The following CCDC32 variants were observed in gnomAD, a reference collection of about 807,000 sequenced individuals.
The protein encoded by CCDC32 is coiled-coil domain-containing protein 32.
A neutral mutation model predicts 20.1 loss-of-function variants in CCDC32; 9 were observed. That is an observed-to-expected ratio of 0.45 (90% CI 0.27 to 0.78). CCDC32 has a LOEUF of 0.78. CCDC32 is among the 30% of genes least tolerant of loss of function. The pLI is 0.16. For synonymous variants in CCDC32, 63 were observed against 79.0 expected, an observed-to-expected ratio of 0.80 and a Z score of 1.07; for missense variants, 204 against 215.5, an observed-to-expected ratio of 0.95 and a Z score of 0.33.
downstream of CCDC32, chr15:40,538,011 A>C (rs1325550455): frequency 6.6e-6 from 1 of 152,214 alleles, no homozygotes; most frequent in African/African-American, 2.4e-5. Flanking sequence ...ATCAGCACTC[A>C]TTTCAAATAG....
intron 3 of CCDC32, among the ~76,000 whole-genome samples, chr15:40,547,409 G>A (rs1371477172): frequency 2.0e-5 from 3 of 152,190 alleles, no homozygotes; most frequent in Admixed American, 2.0e-4. Flanking sequence ...AGCTTCAGCA[G>A]TGGGACTTTC....
chr15:40,528,026 T>C (rs74011174), downstream of CCDC32, among the ~76,000 whole-genome samples: 5,180 of 152,278 alleles, frequency 0.034, 303 homozygotes, highest in African/African-American at 0.12. Context: ...TTTTGTCAAT[T>C]TGATAGATAA....
Position 40,562,874 on chromosome 15 carries a change from G to C in CCDC32, c.142C>G (p.Pro48Ala). ...AFSDSFVDSC[P>A]EGEGQREVAD... ...ACCTCCCTCTGGCCTTCACCTTCAG[G>C]GCAAGAATCCACAAAGGAGTCTGAG... Residue 48 changes from proline to alanine, a missense_variant, in exon 2 of 4, where the codon CCT (proline) becomes GCT (alanine). Transcript: ENST00000416810. The C allele has an allele frequency of 1.9e-6, 3 of 1,614,142 alleles. No homozygotes were observed. The highest frequency in any genetic ancestry group is 2.5e-6 in the Non-Finnish European group (3 of 1,180,046).
At chr15:40,557,051 C>T in intron 3 of CCDC32, 165 bp downstream of exon 3, 1 of 668,618 alleles carries the variant, frequency 1.5e-6, no homozygotes, top group Non-Finnish European at 2.4e-6. Flanking sequence ...AAAATGAACA[C>T]AATGCTTTAT....
At chr15:40,539,185 A>C (rs552644843), downstream of CCDC32, 43 of 1,448,434 alleles carry the variant, frequency 3.0e-5, no homozygotes, top group Non-Finnish European at 3.9e-5. Flanking sequence ...CACCACAGAA[A>C]GGTCAATCCC....
downstream of CCDC32, among the ~76,000 whole-genome samples, chr15:40,552,472 A>G (rs1346532750): frequency 1.8e-5 from 2 of 109,934 alleles, no homozygotes; most frequent in African/African-American, 6.5e-5. Flanking sequence ...CAAGGGCAAA[A>G]CTCCATCTCA....
At chr15:40,534,580 T>A (rs1889028453), downstream of CCDC32, 1 of 252,228 alleles carries the variant, frequency 4.0e-6, no homozygotes. Context: ...TACCTCCCGC[T>A]GGGTCCTTCC....
chr15:40,533,454 A>G (rs1365352726), downstream of CCDC32, among the ~76,000 whole-genome samples: 5 of 152,088 alleles, frequency 3.3e-5, no homozygotes, highest in Admixed American at 3.3e-4. Context: ...GGTTCAAGCG[A>G]TTCTCCTGCC....
chr15:40,527,643 C>A (rs1223900339), downstream of CCDC32, among the ~76,000 whole-genome samples: 2 of 152,122 alleles, frequency 1.3e-5, no homozygotes, highest in African/African-American at 4.8e-5. Flanking sequence ...TTCATAAATT[C>A]GTGGATTAAT....
At chr15:40,550,234 A>G (rs1187831136), downstream of CCDC32, among the ~76,000 whole-genome samples, 1 of 152,156 alleles carries the variant, frequency 6.6e-6, no homozygotes, top group Non-Finnish European at 1.5e-5. Flanking sequence ...CTAAAGCTTT[A>G]GCACTAAATA....
chr15:40,562,537 G>A (rs1007227082), intron 2 of CCDC32, among the ~76,000 whole-genome samples: 2 of 152,050 alleles, frequency 1.3e-5, no homozygotes, highest in African/African-American at 2.4e-5. Flanking sequence ...CTAAGATCAC[G>A]CCACTGCACT....
At chr15:40,541,394 T>C (rs1217283280) in intron 3 of CCDC32, among the ~76,000 whole-genome samples, 1 of 151,022 alleles carries the variant, frequency 6.6e-6, no homozygotes, top group East Asian at 1.9e-4. Context: ...GTGCAGTGGC[T>C]CCATCTCGGC....
downstream of CCDC32, chr15:40,531,955 G>T (rs1363338542): frequency 4.9e-6 from 1 of 203,268 alleles, no homozygotes; most frequent in Non-Finnish European, 9.8e-6. Context: ...TGGCAAATGA[G>T]GCAGAGGGTA....
intron 3 of CCDC32, among the ~76,000 whole-genome samples, chr15:40,555,808 A>G (rs866406275): frequency 3.9e-5 from 6 of 152,222 alleles, no homozygotes; most frequent in African/African-American, 1.2e-4. Context: ...ACCAATGTCC[A>G]TATGTTGGAA....
At position 40,562,923 on chromosome 15, in the gene CCDC32, T is replaced by C; in HGVS notation, c.93A>G (p.Gln31=). 1 of 1,614,234 alleles carries C rather than the reference T, an allele frequency of 6.2e-7. No homozygotes were observed. The highest frequency in any genetic ancestry group is 8.5e-7 in the Non-Finnish European group (1 of 1,180,052). The change falls in exon 2 of 4, where the codon CAA becomes CAG. Residue 31 remains glutamine (Q), a synonymous_variant. Transcript: ENST00000416810. ...AGAATGCATTGTTGGCACCATCTTCTTGTTCAGGATTTGGCAGACAGGAAC... is the reference window on the plus strand; with the variant it reads ...AGAATGCATTGTTGGCACCATCTTCCTGTTCAGGATTTGGCAGACAGGAAC... ...EICSCLPNPE[Q]EDGANNAFSD...
chr15:40,528,102 A>G (rs1008716361), downstream of CCDC32, among the ~76,000 whole-genome samples: 13 of 152,212 alleles, frequency 8.5e-5, no homozygotes, highest in African/African-American at 2.9e-4. Context: ...GCAGTTTACA[A>G]CCTTCAGCAC....
downstream of CCDC32, among the ~76,000 whole-genome samples, chr15:40,532,663 A>G (rs1341766489): frequency 2.7e-5 from 4 of 147,912 alleles, no homozygotes; most frequent in African/African-American, 7.5e-5. Context: ...CTTTGTAATT[A>G]TAATTTTAAT....
intron 2 of CCDC32, 42 bp downstream of exon 2, chr15:40,562,730 T>C: frequency 6.3e-7 from 1 of 1,575,882 alleles, no homozygotes. Flanking sequence ...AAGTTTGATG[T>C]AACAGAACTT....
chr15:40,564,568 AGAG>A lies in CCDC32; in HGVS notation c.-13+405_-13+407del, dbSNP rs546571999. On this transcript the variant is annotated intron_variant, in intron 1 of 3. Coordinates refer to ENST00000416810, the MANE Select transcript of CCDC32 (RefSeq NM_001080792.4). ...TGAGACAGGCTGACACCTTCTTTCA[AGAG>A]GAGACTTAGAAATCAGGAAGGCTGC... 2.8e-4 allele frequency among the ~76,000 whole-genome samples: 43 copies of A among 152,270 alleles called. 1 individual carries two copies. In the South Asian group the frequency reaches 8.1e-3, roughly 29 times the overall value.
Sources: gnomAD v4.1 joint callset for allele counts (sites outside exome capture counted in the v4.1 genomes callset) on GRCh38, gnomAD v4.1.1 for gene constraint, MANE v1.5 for transcripts, NCBI Gene and HGNC (gene_info 2026-07-23, HGNC 2026-07-21) for gene names.